Variants in SYNGR1 observed in about 807,000 individuals in gnomAD.
The protein encoded by SYNGR1 is synaptogyrin 1.
A neutral mutation model predicts 26.1 loss-of-function variants in SYNGR1; 14 were observed. That is an observed-to-expected ratio of 0.54 (90% confidence interval 0.35 to 0.84). The LOEUF (loss-of-function observed/expected upper bound fraction) is 0.84. SYNGR1 is among the 40% of genes least tolerant of loss of function. The pLI, the probability that SYNGR1 is intolerant of heterozygous loss-of-function variation, is 0.01. For missense variants in SYNGR1, 319 were observed against 332.9 expected, an observed-to-expected ratio of 0.96 and a Z score of 0.33; for synonymous variants, 141 against 150.1, an observed-to-expected ratio of 0.94 and a Z score of 0.44.
chr22:39,372,418 A>G (rs1295065658), intron 1 of SYNGR1, among the ~76,000 whole-genome samples: 6 of 131,570 alleles, frequency 4.6e-5, no homozygotes, highest in Non-Finnish European at 9.4e-5. Flanking sequence ...GGCATGAGCC[A>G]CCATGCACCA....
At chr22:39,377,590 C>T (rs1239456670) in intron 3 of SYNGR1, 31 of 1,613,296 alleles carry the variant, frequency 1.9e-5, no homozygotes, top group Non-Finnish European at 2.5e-5. Flanking sequence ...CCTACTCTCT[C>T]CTGGCAGAGC....
intron 3 of SYNGR1, among the ~76,000 whole-genome samples, chr22:39,376,749 T>A (rs1925303128): frequency 6.6e-6 from 1 of 151,220 alleles, no homozygotes; most frequent in Admixed American, 6.5e-5. Flanking sequence ...GGGTGACACA[T>A]GCGTGCCTAT....
chr22:39,367,545 G>T (rs111729352), intron 1 of SYNGR1, among the ~76,000 whole-genome samples: 1 of 152,122 alleles, frequency 6.6e-6, no homozygotes, highest in Non-Finnish European at 1.5e-5. Flanking sequence ...GTTGTAGACC[G>T]CGCGAGGTGG....
chr22:39,366,980 C>A (rs375419443), intron 1 of SYNGR1, among the ~76,000 whole-genome samples: 62 of 152,314 alleles, frequency 4.1e-4, no homozygotes, highest in African/African-American at 1.4e-3. Context: ...CGCTCCTGAA[C>A]ACACACAGCT....
intron 1 of SYNGR1, among the ~76,000 whole-genome samples, chr22:39,373,138 TAC>T (rs10548475): frequency 0.34 from 48,884 of 145,906 alleles, 8,387 homozygotes; most frequent in Middle Eastern, 0.48. Flanking sequence ...TTCTATTTAA[TAC>T]ACACACACAC....
chr22:39,352,768 A>T (rs1923967560), intron 1 of SYNGR1, among the ~76,000 whole-genome samples: 1 of 152,124 alleles, frequency 6.6e-6, no homozygotes, highest in African/African-American at 2.4e-5. Context: ...ACAAACAGGG[A>T]CAATTTGTCA....
chr22:39,364,393 T>C (rs1924635712), intron 1 of SYNGR1: 2 of 1,591,628 alleles, frequency 1.3e-6, no homozygotes, highest in Non-Finnish European at 1.7e-6. Flanking sequence ...GACTGCTTTG[T>C]GGGGATGATT....
rs773031898 is a variant in SYNGR1 at position 39,374,652 on chromosome 22, G to A, written c.337+99G>A. The A allele has an allele frequency of 3.2e-5, 42 of 1,295,204 alleles. No homozygotes were observed. In the South Asian group the frequency reaches 4.5e-4, roughly 14 times the overall value. 80.2% of individuals were successfully genotyped at this position (1,295,204 alleles called of 1,614,324 possible). ...ACCCTTCTTCCCATGTTTCAGATGAGGAAATGAGGTGCAGGCGGGTGAAGG... is the reference window on the plus strand; with the variant it reads ...ACCCTTCTTCCCATGTTTCAGATGAAGAAATGAGGTGCAGGCGGGTGAAGG... On this transcript the variant is annotated intron_variant, in intron 2 of 3. Transcript: ENST00000328933.
chr22:39,376,089 C>T lies in SYNGR1; in HGVS notation c.375C>T (p.Tyr125=), dbSNP rs114671146. The T allele has an allele frequency of 4.4e-4, 708 of 1,614,242 alleles. 5 individuals are homozygous for T. In the African/African-American group the frequency reaches 8.7e-3, roughly 20 times the overall value. ...TCCTCTGGTTCGTGGGATTCTGCTACCTGGCCAACCAGTGGCAGGTCTCCA... is the reference window on the plus strand; with the variant it reads ...TCCTCTGGTTCGTGGGATTCTGCTATCTGGCCAACCAGTGGCAGGTCTCCA... ...WAFLWFVGFC[Y]LANQWQVSKP... Residue 125 remains tyrosine (Y), a synonymous_variant, in exon 3 of 4, where the codon TAC becomes TAT. Transcript: ENST00000328933.
intron 3 of SYNGR1, chr22:39,378,123 C>T (rs1205032604): frequency 8.6e-7 from 1 of 1,165,954 alleles, no homozygotes; most frequent in Non-Finnish European, 1.1e-6. Context: ...TCTCCCTTCA[C>T]AGCGGTGTGA....
intron 2 of SYNGR1, 135 bp from the exon 3 acceptor site, chr22:39,375,917 C>T: frequency 4.1e-6 from 5 of 1,208,672 alleles, no homozygotes; most frequent in Non-Finnish European, 6.2e-6. Context: ...CTTTGCCTGT[C>T]CCTTTGGGGG....
intron 1 of SYNGR1, among the ~76,000 whole-genome samples, chr22:39,361,998 GT>G (rs1924496268): frequency 6.9e-6 from 1 of 144,306 alleles, no homozygotes; most frequent in African/African-American, 2.6e-5. Flanking sequence ...CTGGGTCTTT[GT>G]TTCCTCCTTT....
At chr22:39,368,045 A>G (rs1727938631) in intron 1 of SYNGR1, among the ~76,000 whole-genome samples, 1 of 152,050 alleles carries the variant, frequency 6.6e-6, no homozygotes, top group Non-Finnish European at 1.5e-5. Flanking sequence ...TCTTGTCTCC[A>G]ATCGGAGGCC....
chr22:39,382,441 C>T lies in SYNGR1; in HGVS notation c.*527C>T, dbSNP rs894054655. On this transcript the variant is annotated 3_prime_UTR_variant, in exon 4 of 4. Coordinates refer to ENST00000328933, the MANE Select transcript of SYNGR1 (RefSeq NM_004711.5). The stretch of plus-strand genomic sequence containing the variant: ...GCAGTCCTGCTAAGAGTGTCAGGGC[C>T]GTCTCCATTTTATGGTTGAGGAAAC... The T allele has an allele frequency of 7.6e-5, 13 of 171,736 alleles. No individual in the cohort carries two copies. The highest frequency in any genetic ancestry group is 3.9e-4 in the Admixed American group (7 of 18,116). 10.6% of individuals were successfully genotyped at this position (171,736 alleles called of 1,614,324 possible).
At chr22:39,369,422 C>A (rs1315317192) in intron 1 of SYNGR1, among the ~76,000 whole-genome samples, 1 of 152,230 alleles carries the variant, frequency 6.6e-6, no homozygotes, top group Non-Finnish European at 1.5e-5. Flanking sequence ...GAGCACCAGA[C>A]TTGAGACTGA....
chr22:39,355,835 T>C (rs975465724), intron 1 of SYNGR1, among the ~76,000 whole-genome samples: 1 of 152,066 alleles, frequency 6.6e-6, no homozygotes, highest in Admixed American at 6.5e-5. Flanking sequence ...CTGGCCAACA[T>C]AGCGAAACCC....
At chr22:39,357,047 C>G (rs1315395058) in intron 1 of SYNGR1, among the ~76,000 whole-genome samples, 1 of 152,124 alleles carries the variant, frequency 6.6e-6, no homozygotes, top group Non-Finnish European at 1.5e-5. Flanking sequence ...CACTTGAGGT[C>G]AGGAGTTTGA....
At chr22:39,380,616 C>CTTTTTTTTTT (rs58877789) in intron 3 of SYNGR1, among the ~76,000 whole-genome samples, 2 of 69,976 alleles carry the variant, frequency 2.9e-5, no homozygotes, top group African/African-American at 1.4e-4. Flanking sequence ...CCAAGCTGGC[C>CTTTTTTTTTT]TTTTTTTTTT....
rs1923834791 is a variant in SYNGR1, at chr22:39,350,205, G to T, written c.99+96G>T. The T allele has an allele frequency of 1.2e-6, 1 of 836,960 alleles. No individual in the cohort carries two copies. Among genetic ancestry groups the T allele is most frequent in the Non-Finnish European group, 1.5e-6 (1 of 654,242 alleles). The allele number at this position is 836,960 out of a possible 1,614,324, so 51.8% of individuals were successfully genotyped here. The stretch of plus-strand genomic sequence containing the variant: ...GACCGACCCCGACCCCGACCCCAAC[G>T]GGCCCCCGGCGGCGGCGCGGCGGCG... On this transcript the variant is annotated intron_variant, in intron 1 of 3. Coordinates refer to ENST00000328933, the MANE Select transcript of SYNGR1 (RefSeq NM_004711.5). The surrounding 1 kb of genome is among the most constrained non-coding windows in gnomAD (Gnocchi z 4.3).
Sources: allele counts gnomAD v4.1 joint callset (sites outside exome capture counted in the v4.1 genomes callset), GRCh38; gene constraint gnomAD v4.1.1; non-coding constraint Gnocchi (gnomAD v3.1); transcripts MANE v1.5; gene names NCBI Gene and HGNC (gene_info 2026-07-23, HGNC 2026-07-21).